The following TNPO3 variants were observed in gnomAD, a reference collection of about 807,000 sequenced individuals.
TNPO3 encodes transportin-3.
Under a neutral mutation model 122.8 loss-of-function variants are expected in TNPO3, and 65 were observed. That is an observed-to-expected ratio of 0.53 (90% CI 0.43 to 0.65). TNPO3 has a LOEUF of 0.65. TNPO3 is among the 30% of genes least tolerant of loss of function. TNPO3 has a pLI of 0.00. For missense variants in TNPO3, 850 were observed against 1,136.7 expected (o/e 0.75, Z 3.63); for synonymous variants, 372 against 411.2 (o/e 0.90, Z 1.15).
chr7:128,974,039 T>C (rs1393941933), intron 18 of TNPO3, among the ~76,000 whole-genome samples: 4 of 151,436 alleles, frequency 2.6e-5, no homozygotes, highest in Non-Finnish European at 1.5e-5. Flanking sequence ...CTGGGCATGG[T>C]GGTGGGCACC....
In TNPO3 at chr7:129,054,916, A is replaced by G; in HGVS notation, c.-146T>C. The stretch of plus-strand genomic sequence containing the variant: ...CCTCCTCTTTGGCCGTTACCAGGGC[A>G]GAAGGCTCTCCGTGGAAGTTGCCCC... On this transcript the variant is annotated 5_prime_UTR_variant, in exon 1 of 23. Transcript: ENST00000265388. 1 of 1,104,760 alleles carries G rather than the reference A, an allele frequency of 9.1e-7. No individual in the cohort carries two copies. The highest frequency in any genetic ancestry group is 1.3e-6 in the Non-Finnish European group (1 of 777,462). The allele number at this position is 1,104,760 out of a possible 1,614,324, so 68.4% of individuals were successfully genotyped here.
intron 1 of TNPO3, among the ~76,000 whole-genome samples, chr7:129,040,538 A>T (rs777961995): frequency 2.0e-5 from 3 of 152,218 alleles, no homozygotes; most frequent in Admixed American, 1.3e-4. Context: ...AAATATACAT[A>T]TAAGAAAAAA....
Position 129,001,061 on chromosome 7 carries a change from G to A in TNPO3, c.870C>T (p.Asp290=). ...TCCAGACTTAAACAATTACTCACTT[G>A]TCTAAATCTTCACGTGCCACGGCCA... is the stretch of plus-strand genomic sequence containing the variant. The part of the protein sequence containing the change: ...YHMAVAREDL[D]KVLNYCRIFT... Residue 290 remains aspartate, a splice_region_variant and synonymous_variant, in exon 6 of 23, where the codon GAC becomes GAT. Transcript: ENST00000265388. 1 of 1,613,940 alleles carries A rather than the reference G, an allele frequency of 6.2e-7. No homozygotes were observed. Among genetic ancestry groups the A allele is most frequent in the Non-Finnish European group, 8.5e-7 (1 of 1,179,806 alleles).
In TNPO3 at chr7:129,004,725, T is replaced by G. The variant is rs3807303; in HGVS notation, c.696+291A>C. On this transcript the variant is annotated intron_variant, in intron 5 of 22. Transcript: ENST00000265388. Reference sequence around the variant, plus strand: ...ATGACCATTATTGAAATACATAATTTTATATTTTTAAAACAAGGAAAAAGA... The same window carrying G: ...ATGACCATTATTGAAATACATAATTGTATATTTTTAAAACAAGGAAAAAGA... Among the ~76,000 whole-genome samples, 12 of 152,328 alleles carry G rather than the reference T, an allele frequency of 7.9e-5. No individual in the cohort carries two copies. The East Asian group carries it at 2.3e-3, about 29-fold the overall frequency.
chr7:129,004,885 G>T, intron 5 of TNPO3, 131 bp downstream of exon 5: 1 of 788,208 alleles, frequency 1.3e-6, no homozygotes, highest in Non-Finnish European at 2.0e-6. Context: ...AGCAAGGAAG[G>T]AACATTGCTG....
intron 4 of TNPO3, among the ~76,000 whole-genome samples, chr7:129,006,469 TAG>T (rs1802585531): frequency 6.6e-6 from 1 of 152,206 alleles, no homozygotes; most frequent in Non-Finnish European, 1.5e-5. Flanking sequence ...AAAACAGAAT[TAG>T]ACTAAAACTC....
At chr7:128,958,583 A>C (rs1024610908) in intron 21 of TNPO3, among the ~76,000 whole-genome samples, 33 of 152,218 alleles carry the variant, frequency 2.2e-4, no homozygotes, top group Admixed American at 9.2e-4. Context: ...CCAGGGGAGG[A>C]AACTGCTCTA....
At chr7:128,986,999 T>C (rs1217759191) in intron 11 of TNPO3, 79 bp from the exon 12 acceptor site, 1 of 1,426,856 alleles carries the variant, frequency 7.0e-7, no homozygotes, top group East Asian at 2.4e-5. Context: ...GAGGTATACT[T>C]GCTTTTCTTT....
intron 10 of TNPO3, among the ~76,000 whole-genome samples, chr7:128,991,426 T>C (rs1485509402): frequency 1.3e-5 from 2 of 152,220 alleles, no homozygotes; most frequent in African/African-American, 4.8e-5. Context: ...TGGCACAAAG[T>C]AAATTTTGTC....
At chr7:128,960,000 G>A (rs778508398) in intron 21 of TNPO3, among the ~76,000 whole-genome samples, 5 of 152,146 alleles carry the variant, frequency 3.3e-5, no homozygotes, top group East Asian at 1.9e-4. Context: ...CAGCCTGGGC[G>A]ACAGAGCAAG....
chr7:128,972,629 A>G (rs754114326), intron 18 of TNPO3, 47 bp from the exon 19 acceptor site: 1 of 1,578,810 alleles, frequency 6.3e-7, no homozygotes, highest in East Asian at 2.3e-5. Context: ...ATTAGGCTAT[A>G]AAAGCAGCCA....
chr7:128,961,476 T>C (rs1246619580), intron 21 of TNPO3, among the ~76,000 whole-genome samples: 1 of 152,204 alleles, frequency 6.6e-6, no homozygotes, highest in African/African-American at 2.4e-5. Flanking sequence ...GTATACTCCA[T>C]GACGTTTGCA....
chr7:128,961,442 G>A (rs1015731569), intron 21 of TNPO3, among the ~76,000 whole-genome samples: 1 of 152,124 alleles, frequency 6.6e-6, no homozygotes, highest in South Asian at 2.1e-4. Context: ...TGTCCGGTAG[G>A]CTATACCATC....
chr7:128,988,182 G>A (rs1800371207), intron 11 of TNPO3, among the ~76,000 whole-genome samples: 1 of 151,774 alleles, frequency 6.6e-6, no homozygotes, highest in African/African-American at 2.4e-5. Flanking sequence ...TCGCCTGTTG[G>A]CCAGGTTGGT....
intron 4 of TNPO3, among the ~76,000 whole-genome samples, chr7:129,008,622 C>A (rs776338409): frequency 3.9e-5 from 6 of 152,092 alleles, no homozygotes; most frequent in Non-Finnish European, 7.4e-5. Context: ...TGCACAGGAG[C>A]ACTTAATTTA....
At chr7:128,982,946 C>T (rs111569036) in intron 13 of TNPO3, among the ~76,000 whole-genome samples, 2 of 152,246 alleles carry the variant, frequency 1.3e-5, no homozygotes, top group African/African-American at 4.8e-5. Context: ...GCGTTGATTG[C>T]TAACTTGAAT....
intron 4 of TNPO3, among the ~76,000 whole-genome samples, chr7:129,009,413 C>T (rs577321077): frequency 6.6e-6 from 1 of 152,336 alleles, no homozygotes; most frequent in Non-Finnish European, 1.5e-5. Flanking sequence ...ATTACAGCCA[C>T]ATGCCTATTT....
upstream of TNPO3, chr7:129,056,154 A>T (rs1415470172): frequency 6.4e-6 from 6 of 938,362 alleles, no homozygotes; most frequent in African/African-American, 3.2e-5. Context: ...TGCTCTCGCC[A>T]CTGCGTATAA....
chr7:129,019,629 G>A (rs1276201244), intron 1 of TNPO3, among the ~76,000 whole-genome samples: 1 of 152,094 alleles, frequency 6.6e-6, no homozygotes, highest in East Asian at 1.9e-4. Flanking sequence ...CAGGAGGATT[G>A]TTTGAGCCCA....
Sources: allele counts gnomAD v4.1 joint callset (sites outside exome capture counted in the v4.1 genomes callset), GRCh38; gene constraint gnomAD v4.1.1; transcripts MANE v1.5; gene names NCBI Gene and HGNC (gene_info 2026-07-23, HGNC 2026-07-21).